EPS8: variants seen among roughly 807,000 people sequenced by gnomAD.
EPS8 encodes the protein EGFR pathway substrate 8, signaling adaptor.
A neutral mutation model predicts 103.8 loss-of-function variants in EPS8; 42 were observed. The observed-to-expected ratio is 0.40, with a 90% CI of 0.32 to 0.52. The LOEUF is 0.52. Among genes scored for constraint, EPS8 ranks in the 20% least tolerant of loss-of-function variants. The pLI is 0.40. For missense variants in EPS8, 969 were observed against 1,005.1 expected, an observed-to-expected ratio of 0.96 and a Z score of 0.49; for synonymous variants, 344 against 344.6, an observed-to-expected ratio of 1.00 and a Z score of 0.02.
chr12:15,683,019 ACATCT>A, intron 1 of EPS8, 47 bp from the exon 2 acceptor site: 1 of 968,562 alleles, frequency 1.0e-6, no homozygotes, highest in East Asian at 2.6e-5. Context: ...AAAGGTCAAG[ACATCT>A]CAGTTTCAAA....
chr12:15,752,131 AG>A lies in EPS8; in HGVS notation c.-22+37029del, dbSNP rs1946938932. Among the ~76,000 whole-genome samples, 1 of 152,212 alleles carries A rather than the reference AG, an allele frequency of 6.6e-6. No individual in the cohort carries two copies. The highest frequency in any genetic ancestry group is 1.5e-5 in the Non-Finnish European group (1 of 68,040). On this transcript the variant is annotated intron_variant, in intron 1 of 20. Coordinates refer to ENST00000281172, the MANE Select transcript of EPS8 (RefSeq NM_004447.6). The surrounding 1 kb of genome is among the most constrained non-coding windows in gnomAD (Gnocchi z 4.4). Reference sequence around the variant, plus strand: ...TAGCAATGGTACTTGATATCAAGAAAGCAGCTCCTAATTAGAGCTATTAAAA... The same window carrying A: ...TAGCAATGGTACTTGATATCAAGAAACAGCTCCTAATTAGAGCTATTAAAA...
At position 15,727,074 on chromosome 12, in the gene EPS8, A is replaced by G. The variant is rs1403180241; in HGVS notation, c.-21-44102T>C. On this transcript the variant is annotated intron_variant, in intron 1 of 20. Transcript: ENST00000281172. This position sits in a 1 kb window ranked among gnomAD's most constrained non-coding sequence, Gnocchi z 4.3. ...GAGTGGTATTTTTTCAAGGTCTGAA[A>G]CTCACTAGCTCTCTGAAACCATCAT... Among the ~76,000 whole-genome samples, 2 of 152,170 alleles carry G rather than the reference A, an allele frequency of 1.3e-5. No homozygotes were observed. Among genetic ancestry groups the G allele is most frequent in the Non-Finnish European group, 2.9e-5 (2 of 68,028 alleles).
chr12:15,744,223 A>G (rs1005294065), intron 1 of EPS8, among the ~76,000 whole-genome samples: 1 of 152,222 alleles, frequency 6.6e-6, no homozygotes, highest in Non-Finnish European at 1.5e-5. Flanking sequence ...CTAAGGAAAA[A>G]GAAACTTTCT....
chr12:15,674,269 T>C (rs1424307226), intron 3 of EPS8, among the ~76,000 whole-genome samples: 1 of 152,194 alleles, frequency 6.6e-6, no homozygotes, highest in African/African-American at 2.4e-5. Flanking sequence ...AACAAAAATG[T>C]TCCTTAGAGA....
At chr12:15,632,696 A>G (rs986606910) in intron 17 of EPS8, among the ~76,000 whole-genome samples, 4 of 152,216 alleles carry the variant, frequency 2.6e-5, no homozygotes, top group East Asian at 3.8e-4. Flanking sequence ...AATGGCCCAA[A>G]TATCAGGTAG....
intron 1 of EPS8, among the ~76,000 whole-genome samples, chr12:15,783,976 T>C (rs553118202): frequency 3.3e-5 from 5 of 152,212 alleles, no homozygotes; most frequent in African/African-American, 1.2e-4. Context: ...AAAATTAATC[T>C]AGACACAGAC....
In EPS8 at chr12:15,704,236, C is replaced by T. The variant is rs1039883400; in HGVS notation, c.-21-21264G>A. Reference sequence around the variant, plus strand: ...CAGCAGTTCTTCTTCTGGGTGTATACCCAAAAGAACTGAAAGTAGAGACTA... The same window carrying T: ...CAGCAGTTCTTCTTCTGGGTGTATATCCAAAAGAACTGAAAGTAGAGACTA... On this transcript the variant is annotated intron_variant, in intron 1 of 20. Coordinates refer to ENST00000281172, the MANE Select transcript of EPS8 (RefSeq NM_004447.6). The surrounding 1 kb of genome is among the most constrained non-coding windows in gnomAD (Gnocchi z 4.6). Among the ~76,000 whole-genome samples, 13 of 152,084 alleles carry T rather than the reference C, an allele frequency of 8.5e-5. No homozygotes were observed. The highest frequency in any genetic ancestry group is 3.1e-4 in the African/African-American group (13 of 41,494).
chr12:15,640,679 A>T (rs1387576032), intron 17 of EPS8, 24 bp downstream of exon 17: 1 of 1,608,708 alleles, frequency 6.2e-7, no homozygotes, highest in South Asian at 1.1e-5. Flanking sequence ...TACATACTAC[A>T]TTTTACTAAG....
intron 1 of EPS8, among the ~76,000 whole-genome samples, chr12:15,737,329 T>G (rs1403531041): frequency 6.6e-6 from 1 of 152,094 alleles, no homozygotes; most frequent in Non-Finnish European, 1.5e-5. Flanking sequence ...AAACGTGACT[T>G]TAAGAAGGCT....
chr12:15,698,398 T>C lies in EPS8; in HGVS notation c.-21-15426A>G, dbSNP rs1052432130. Among the ~76,000 whole-genome samples the C allele has an allele frequency of 6.6e-6, 1 of 152,122 alleles. No homozygotes were observed. The highest frequency in any genetic ancestry group is 1.5e-5 in the Non-Finnish European group (1 of 68,038). ...ACTACTCAAGGAAAAGAACAAGCAG[T>C]GTCAACTAGACTCCCCAACCCCCGC... On this transcript the variant is annotated intron_variant, in intron 1 of 20. Transcript: ENST00000281172. The surrounding 1 kb of genome is among the most constrained non-coding windows in gnomAD (Gnocchi z 4.9).
At chr12:15,665,487 C>A in intron 8 of EPS8, 1 of 375,334 alleles carries the variant, frequency 2.7e-6, no homozygotes, top group Non-Finnish European at 4.9e-6. Context: ...CATGCCACCA[C>A]ACCCACCTAA....
chr12:15,679,721 A>G (rs1945971431), intron 3 of EPS8, among the ~76,000 whole-genome samples: 3 of 152,204 alleles, frequency 2.0e-5, no homozygotes, highest in Non-Finnish European at 4.4e-5. Flanking sequence ...TATTATAACA[A>G]TGTGTTTACT....
intron 1 of EPS8, among the ~76,000 whole-genome samples, chr12:15,715,291 A>C (rs939830627): frequency 6.6e-6 from 1 of 151,262 alleles, no homozygotes; most frequent in Non-Finnish European, 1.5e-5. Flanking sequence ...TTGAGACTAC[A>C]TGGCAGCCCA....
intron 12 of EPS8, among the ~76,000 whole-genome samples, chr12:15,655,813 G>A (rs1019476727): frequency 6.6e-6 from 1 of 152,218 alleles, no homozygotes; most frequent in Admixed American, 6.5e-5. Flanking sequence ...CATGCTGAGG[G>A]AAGAGGAGAG....
rs1946792191 is a variant in EPS8 at position 15,738,880 on chromosome 12, C to T, written c.-22+50281G>A. ...AAATCATTAAGCGTGCCACGTTAAA[C>T]AGTCCATGGTGGAGCTAAATCTACC... On this transcript the variant is annotated intron_variant, in intron 1 of 20. Coordinates refer to ENST00000281172, the MANE Select transcript of EPS8 (RefSeq NM_004447.6). This position sits in a 1 kb window ranked among gnomAD's most constrained non-coding sequence, Gnocchi z 6.2. Among the ~76,000 whole-genome samples, 1 of 152,192 alleles carries T rather than the reference C, an allele frequency of 6.6e-6. No individual in the cohort carries two copies. The highest frequency in any genetic ancestry group is 2.1e-4 in the South Asian group (1 of 4,832).
rs1947213723 is a variant in EPS8, at chr12:15,777,069, A to G, written c.-22+12092T>C. On this transcript the variant is annotated intron_variant, in intron 1 of 20. Transcript: ENST00000281172. The surrounding 1 kb of genome is among the most constrained non-coding windows in gnomAD (Gnocchi z 4.7). The stretch of plus-strand genomic sequence containing the variant: ...AACTGCCTGGCAGAGAGAAAAGATG[A>G]AAATAGCTAGAGATAACAGATATAG... 6.6e-6 allele frequency among the ~76,000 whole-genome samples: 1 copy of G among 152,324 alleles called. No homozygotes were observed. The highest frequency in any genetic ancestry group is 2.1e-4 in the South Asian group (1 of 4,830).
At chr12:15,642,215 T>C (rs12309927) in intron 15 of EPS8, among the ~76,000 whole-genome samples, 2,816 of 152,204 alleles carry the variant, frequency 0.019, 91 homozygotes, top group African/African-American at 0.064. Flanking sequence ...AGACTGAAGA[T>C]AATTTCCATA....
At position 15,751,460 on chromosome 12, in the gene EPS8, G is replaced by A. The variant is rs1946930478; in HGVS notation, c.-22+37701C>T. Among the ~76,000 whole-genome samples the A allele has an allele frequency of 6.6e-6, 1 of 152,058 alleles. No individual in the cohort carries two copies. Among genetic ancestry groups the A allele is most frequent in the African/African-American group, 2.4e-5 (1 of 41,394 alleles). On this transcript the variant is annotated intron_variant, in intron 1 of 20. Coordinates refer to ENST00000281172, the MANE Select transcript of EPS8 (RefSeq NM_004447.6). This position sits in a 1 kb window ranked among gnomAD's most constrained non-coding sequence, Gnocchi z 4.3. ...TTTGCCAAAACTATATGGCACTATAGCAATAAACAAGGCCACAATGATCCC... is the reference window on the plus strand; with the variant it reads ...TTTGCCAAAACTATATGGCACTATAACAATAAACAAGGCCACAATGATCCC...
Position 15,728,579 on chromosome 12 carries a change from A to G in EPS8, c.-21-45607T>C, listed in dbSNP as rs1167811987. ...GTCAGGCATTGCTCCTAATACCACC[A>G]TATTTATGTGAGGATAGCATATATC... On this transcript the variant is annotated intron_variant, in intron 1 of 20. Transcript: ENST00000281172. This position sits in a 1 kb window ranked among gnomAD's most constrained non-coding sequence, Gnocchi z 4.5. Among the ~76,000 whole-genome samples the G allele has an allele frequency of 6.6e-6, 1 of 152,206 alleles. No homozygotes were observed. The highest frequency in any genetic ancestry group is 1.5e-5 in the Non-Finnish European group (1 of 68,038).
Sources: gnomAD v4.1 joint callset for allele counts (sites outside exome capture counted in the v4.1 genomes callset) on GRCh38, gnomAD v4.1.1 for gene constraint, Gnocchi (gnomAD v3.1) non-coding constraint, MANE v1.5 for transcripts, NCBI Gene and HGNC (gene_info 2026-07-23, HGNC 2026-07-21) for gene names.